CRYL1: variants seen among roughly 807,000 people sequenced by gnomAD.
CRYL1 encodes the protein crystallin lambda 1.
A neutral mutation model predicts 36.6 loss-of-function variants in CRYL1; 29 were observed. The ratio of observed to expected loss-of-function variants is 0.79; its 90% CI spans 0.59 to 1.08. The LOEUF is 1.08. Among genes scored for constraint, CRYL1 ranks in the 50% least tolerant of loss-of-function variants. CRYL1 has a pLI of 0.00. For synonymous variants in CRYL1, 152 were observed against 151.5 expected (o/e 1.00, Z -0.02); for missense variants, 411 against 407.9 (o/e 1.01, Z -0.06).
At chr13:20,485,038 G>A (rs1274383219) in intron 3 of CRYL1, among the ~76,000 whole-genome samples, 3 of 152,108 alleles carry the variant, frequency 2.0e-5, no homozygotes, top group Non-Finnish European at 4.4e-5. Flanking sequence ...TTGTTGTTGA[G>A]ACAAGGTCTC....
rs953651975 is a variant in CRYL1, at chr13:20,525,110, G to C, written c.41+644C>G. Among the ~76,000 whole-genome samples, 15 of 152,196 alleles carry C rather than the reference G, an allele frequency of 9.9e-5. No individual in the cohort carries two copies. The highest frequency in any genetic ancestry group is 3.9e-4 in the Admixed American group (6 of 15,288). ...TGGGCAGAATTTAAGCTGTTAAATG[G>C]ACACACTTAGCAAACTCTCTGGGCT... On this transcript the variant is annotated intron_variant, in intron 1 of 7. Transcript: ENST00000298248. The surrounding 1 kb of genome is among the most constrained non-coding windows in gnomAD (Gnocchi z 4.3).
At chr13:20,404,338 T>C (rs1420183347) in intron 7 of CRYL1, 96 bp from the exon 8 acceptor site, 2 of 829,282 alleles carry the variant, frequency 2.4e-6, no homozygotes, top group Non-Finnish European at 3.9e-6. Context: ...GTGCAGAAAC[T>C]GCTTTCAAAG....
intron 3 of CRYL1, among the ~76,000 whole-genome samples, chr13:20,477,551 T>C (rs531624123): frequency 1.1e-4 from 16 of 150,512 alleles, no homozygotes; most frequent in African/African-American, 2.9e-4. Context: ...TTGCATAAAA[T>C]GGGCGGCACA....
At chr13:20,420,707 G>GTGTGT in intron 5 of CRYL1, among the ~76,000 whole-genome samples, 1 of 29,526 alleles carries the variant, frequency 3.4e-5, no homozygotes, top group African/African-American at 9.8e-5. Context: ...GAGGTTGTGT[G>GTGTGT]TGTGTGTGTG....
intron 3 of CRYL1, among the ~76,000 whole-genome samples, chr13:20,478,603 G>A (rs941865462): frequency 2.6e-5 from 4 of 152,116 alleles, no homozygotes; most frequent in Admixed American, 2.6e-4. Flanking sequence ...AGCCTCCCAA[G>A]CAGCTGGGAT....
intron 4 of CRYL1, among the ~76,000 whole-genome samples, chr13:20,434,519 G>A (rs1281495731): frequency 6.6e-6 from 1 of 151,740 alleles, no homozygotes; most frequent in Non-Finnish European, 1.5e-5. Flanking sequence ...TGATAGGACA[G>A]AAATGGAACA....
rs181084537 is a variant in CRYL1 at position 20,419,301 on chromosome 13, T to C, written c.634-5914A>G. ...TTAGAGATTAAGTTTATTATTATTATTATTATTTTGAAATGGAGTTTTGCT... is the reference window on the plus strand; with the variant it reads ...TTAGAGATTAAGTTTATTATTATTACTATTATTTTGAAATGGAGTTTTGCT... On this transcript the variant is annotated intron_variant, in intron 5 of 7. Transcript: ENST00000298248. Among the ~76,000 whole-genome samples the C allele has an allele frequency of 2.6e-4, 40 of 152,212 alleles. 1 individual carries two copies. In the Middle Eastern group the frequency reaches 0.01, roughly 39 times the overall value.
At chr13:20,503,315 G>A (rs947588908) in intron 2 of CRYL1, among the ~76,000 whole-genome samples, 1 of 152,166 alleles carries the variant, frequency 6.6e-6, no homozygotes, top group Non-Finnish European at 1.5e-5. Flanking sequence ...AACAGACACG[G>A]GCTTTAATAA....
At chr13:20,457,641 A>G (rs1010351556) in intron 3 of CRYL1, among the ~76,000 whole-genome samples, 15 of 152,200 alleles carry the variant, frequency 9.9e-5, no homozygotes, top group African/African-American at 3.4e-4. Context: ...CTTCGGTGTC[A>G]TAAGACAAAT....
intron 3 of CRYL1, among the ~76,000 whole-genome samples, chr13:20,470,910 C>CAAAAAAAAAAAAAAAAAAAAAAA (rs11353451): frequency 4.9e-5 from 2 of 40,904 alleles, no homozygotes; most frequent in African/African-American, 1.7e-4. Flanking sequence ...AACTCCATCT[C>CAAAAAAAAAAAAAAAAAAAAAAA]AAAAAAAAAA....
At chr13:20,452,006 C>T (rs2032580531) in intron 3 of CRYL1, among the ~76,000 whole-genome samples, 1 of 151,896 alleles carries the variant, frequency 6.6e-6, no homozygotes, top group Non-Finnish European at 1.5e-5. Flanking sequence ...AGCTGGAGGC[C>T]ACTATCCCAA....
At chr13:20,452,883 A>G (rs1000707130) in intron 3 of CRYL1, among the ~76,000 whole-genome samples, 1 of 152,168 alleles carries the variant, frequency 6.6e-6, no homozygotes, top group Non-Finnish European at 1.5e-5. Flanking sequence ...AAAGTGTTAT[A>G]TTGGATTTAA....
intron 2 of CRYL1, among the ~76,000 whole-genome samples, chr13:20,490,743 G>C (rs1180282750): frequency 6.6e-6 from 1 of 152,106 alleles, no homozygotes; most frequent in Non-Finnish European, 1.5e-5. Flanking sequence ...TTGAAAGAAG[G>C]TACCTTATAG....
chr13:20,431,325 T>C (rs753014256), intron 5 of CRYL1: 2 of 985,438 alleles, frequency 2.0e-6, no homozygotes, highest in Non-Finnish European at 2.4e-6. Context: ...GCGGTGCAGC[T>C]GGGTACTTCC....
chr13:20,452,740 A>G (rs1004422955), intron 3 of CRYL1, among the ~76,000 whole-genome samples: 3 of 152,162 alleles, frequency 2.0e-5, no homozygotes, highest in Admixed American at 2.0e-4. Flanking sequence ...AGGTTCATCA[A>G]CTGTAATAAA....
At chr13:20,520,672 C>T (rs1376697257) in intron 1 of CRYL1, among the ~76,000 whole-genome samples, 3 of 152,142 alleles carry the variant, frequency 2.0e-5, no homozygotes, top group African/African-American at 7.2e-5. Context: ...CACCCCTTCA[C>T]GCCCACACAC....
chr13:20,493,186 C>T (rs936555577), intron 2 of CRYL1, among the ~76,000 whole-genome samples: 12 of 152,230 alleles, frequency 7.9e-5, no homozygotes, highest in African/African-American at 2.2e-4. Context: ...ACTGGTGCTC[C>T]GAGGCAGGCC....
At chr13:20,484,186 C>A (rs907338355) in intron 3 of CRYL1, among the ~76,000 whole-genome samples, 10 of 152,130 alleles carry the variant, frequency 6.6e-5, no homozygotes, top group African/African-American at 2.4e-4. Flanking sequence ...TTTTTCTACA[C>A]TGAGAACCTT....
intron 2 of CRYL1, among the ~76,000 whole-genome samples, chr13:20,507,850 G>A (rs111540943): frequency 0.02 from 3,092 of 151,668 alleles, 51 homozygotes; most frequent in Middle Eastern, 0.054. Context: ...CCTGGGAGGC[G>A]GAGCTTGCAG....
Sources: gnomAD v4.1 joint callset for allele counts (sites outside exome capture counted in the v4.1 genomes callset) on GRCh38, gnomAD v4.1.1 for gene constraint, Gnocchi (gnomAD v3.1) non-coding constraint, MANE v1.5 for transcripts, NCBI Gene and HGNC (gene_info 2026-07-23, HGNC 2026-07-21) for gene names.